DACH2: variants seen among roughly 807,000 people sequenced by gnomAD.
DACH2 encodes the protein dachshund family transcription factor 2, also known as dachshund homolog 2.
In DACH2, 17 loss-of-function variants were observed where a neutral mutation model predicts 35.8. The observed-to-expected ratio is 0.48, with a 90% CI of 0.33 to 0.71. DACH2 has a LOEUF of 0.71. Ranked by LOEUF, DACH2 falls within the 30% of genes least tolerant of loss-of-function variation. The probability of loss-of-function intolerance (pLI) is 0.02; values close to 1 mark genes in which losing one functional copy is unlikely to be tolerated. For synonymous variants in DACH2, 195 were observed against 177.3 expected, an observed-to-expected ratio of 1.10 and a Z score of -0.79; for missense variants, 469 against 472.7, an observed-to-expected ratio of 0.99 and a Z score of 0.07.
chrX:86,403,807 A>G (rs895628761), intron 2 of DACH2, among the ~76,000 whole-genome samples: 1 of 111,201 alleles, frequency 9.0e-6, no homozygotes, highest in African/African-American at 3.3e-5. Context: ...TCACTCTGCT[A>G]TAAGGAGATA....
chrX:86,588,731 G>T (rs1350501747), intron 3 of DACH2, among the ~76,000 whole-genome samples: 1 of 111,200 alleles, frequency 9.0e-6, no homozygotes, highest in Non-Finnish European at 1.9e-5. Context: ...AACCTTTCCT[G>T]CAGTCATTTA....
chrX:86,282,706 A>G (rs1241214445), intron 1 of DACH2, among the ~76,000 whole-genome samples: 1 of 107,547 alleles, frequency 9.3e-6, no homozygotes, highest in African/African-American at 3.4e-5. Context: ...CAAAGAACTT[A>G]AACAAATTTA....
chrX:86,597,985 CA>C (rs1268513036), intron 3 of DACH2, among the ~76,000 whole-genome samples: 3 of 111,687 alleles, frequency 2.7e-5, no homozygotes, highest in Admixed American at 9.5e-5. Context: ...AGGTGAAAGG[CA>C]CATTTCACAT....
rs111400922 is a variant in DACH2 at position 86,677,669 on chromosome X, G to A, written c.773-17352G>A. On this transcript the variant is annotated intron_variant, in intron 4 of 11. Transcript: ENST00000373125. ...ACAACTTTACCAAACAACTAACTGA[G>A]TTATCAGAAGTGAAAAGTGAATTCT... 7.2e-3 allele frequency among the ~76,000 whole-genome samples: 803 copies of A among 111,933 alleles called. 5 individuals are homozygous for A. The highest frequency in any genetic ancestry group is 0.025 in the African/African-American group (779 of 30,788).
At chrX:86,321,052 A>T (rs1386975683) in intron 1 of DACH2, among the ~76,000 whole-genome samples, 1 of 111,455 alleles carries the variant, frequency 9.0e-6, no homozygotes, top group East Asian at 2.8e-4. Flanking sequence ...TCTTCTCCTC[A>T]CCTGGTACTC....
chrX:86,638,429 A>C (rs750764146), intron 3 of DACH2, among the ~76,000 whole-genome samples: 3 of 112,019 alleles, frequency 2.7e-5, no homozygotes, highest in Non-Finnish European at 5.6e-5. Flanking sequence ...AAACTGAAAA[A>C]TTTGGCACAG....
intron 1 of DACH2, among the ~76,000 whole-genome samples, chrX:86,244,161 T>C (rs1240257519): frequency 5.4e-5 from 6 of 111,651 alleles, no homozygotes; most frequent in South Asian, 3.8e-4. Context: ...TAATAGGTCC[T>C]AAGTGAAGCC....
chrX:86,814,091 G>T, intron 9 of DACH2, among the ~76,000 whole-genome samples: 1 of 111,078 alleles, frequency 9.0e-6, no homozygotes. Context: ...TGCAGCCTAT[G>T]ACTGTATATG....
At chrX:86,371,967 A>G (rs967336522) in intron 1 of DACH2, among the ~76,000 whole-genome samples, 1 of 111,374 alleles carries the variant, frequency 9.0e-6, no homozygotes, top group Non-Finnish European at 1.9e-5. Flanking sequence ...AATAAATTGC[A>G]TGACTAAAAG....
chrX:86,669,920 G>C (rs2040744906), intron 4 of DACH2, among the ~76,000 whole-genome samples: 1 of 110,306 alleles, frequency 9.1e-6, no homozygotes, highest in African/African-American at 3.3e-5. Flanking sequence ...TAAATGGTAT[G>C]TAACACTGTC....
At chrX:86,273,608 C>G (rs748371241) in intron 1 of DACH2, among the ~76,000 whole-genome samples, 4 of 111,961 alleles carry the variant, frequency 3.6e-5, no homozygotes, top group African/African-American at 1.3e-4. Context: ...TTTCAGCATA[C>G]ACCATCTACA....
chrX:86,556,781 TATATATATATATATAGAGAGAGAGAG>T (rs1393518220), intron 3 of DACH2, among the ~76,000 whole-genome samples: 1 of 62,932 alleles, frequency 1.6e-5, no homozygotes, highest in Non-Finnish European at 2.8e-5. Context: ...TATATATATA[TATATATATATATATAGAGAGAGAGAG>T]AGAGAGAGAG....
At chrX:86,608,473 A>G (rs1386792990) in intron 3 of DACH2, among the ~76,000 whole-genome samples, 1 of 112,138 alleles carries the variant, frequency 8.9e-6, no homozygotes, top group Non-Finnish European at 1.9e-5. Context: ...AGAGTAGTTG[A>G]CATACCACAG....
intron 2 of DACH2, among the ~76,000 whole-genome samples, chrX:86,399,434 C>G (rs967560164): frequency 9.0e-6 from 1 of 111,401 alleles, no homozygotes; most frequent in East Asian, 2.8e-4. Flanking sequence ...ATGATGTTAA[C>G]TGGTTATTTT....
chrX:86,563,001 A>C (rs1188448690), intron 3 of DACH2, among the ~76,000 whole-genome samples: 1 of 111,512 alleles, frequency 9.0e-6, no homozygotes, highest in Non-Finnish European at 1.9e-5. Context: ...ACTTGAAAGT[A>C]ATATACAGAA....
intron 1 of DACH2, among the ~76,000 whole-genome samples, chrX:86,359,084 C>CTTATGTGTGT (rs200413091): frequency 0.016 from 1,612 of 98,440 alleles, 37 homozygotes; most frequent in East Asian, 0.11. Flanking sequence ...TATATTTTGT[C>CTTATGTGTGT]GTGTGTGTGT....
intron 1 of DACH2, among the ~76,000 whole-genome samples, chrX:86,282,107 A>G (rs1332926781): frequency 8.9e-6 from 1 of 112,172 alleles, no homozygotes. Flanking sequence ...TGCTATCCCC[A>G]TCAAGCTACC....
chrX:86,369,906 T>G (rs886358459), intron 1 of DACH2, among the ~76,000 whole-genome samples: 3 of 111,293 alleles, frequency 2.7e-5, no homozygotes, highest in Admixed American at 9.6e-5. Flanking sequence ...TAATCAGCAC[T>G]GCAAAGTAGA....
In DACH2 at chrX:86,535,053, A is replaced by G. The variant is rs183175091; in HGVS notation, c.640+20662A>G. Among the ~76,000 whole-genome samples, 245 of 111,988 alleles carry G rather than the reference A, an allele frequency of 2.2e-3. 5 individuals carry two copies. In the East Asian group the frequency reaches 0.061, roughly 28 times the overall value. ...ATTTTAGAATAAGCAAGGAGATAGG[A>G]CAGCCAATATATTGATGTTTCTTGA... On this transcript the variant is annotated intron_variant, in intron 3 of 11. Transcript: ENST00000373125.
Sources: allele counts gnomAD v4.1 joint callset (sites outside exome capture counted in the v4.1 genomes callset), GRCh38; gene constraint gnomAD v4.1.1; transcripts MANE v1.5; gene names NCBI Gene and HGNC (gene_info 2026-07-23, HGNC 2026-07-21).